Variants in CPED1 observed in about 807,000 individuals in gnomAD.
CPED1 encodes cadherin-like and PC-esterase domain-containing protein 1.
Under a neutral mutation model 128.2 loss-of-function variants are expected in CPED1, and 114 were observed. The ratio of observed to expected loss-of-function variants is 0.89; its 90% CI spans 0.76 to 1.04. CPED1 has a LOEUF of 1.04. Ranked by LOEUF, CPED1 falls within the 50% of genes least tolerant of loss-of-function variation. The pLI is 0.00. For missense variants in CPED1, 1,211 were observed against 1,207.1 expected, an observed-to-expected ratio of 1.00 and a Z score of -0.05; for synonymous variants, 462 against 426.7, an observed-to-expected ratio of 1.08 and a Z score of -1.02.
chr7:120,992,513 C>A (rs1796325036), intron 2 of CPED1, among the ~76,000 whole-genome samples: 1 of 152,082 alleles, frequency 6.6e-6, no homozygotes, highest in African/African-American at 2.4e-5. Flanking sequence ...ATGCTAAGAA[C>A]CACTACAAAT....
At chr7:121,135,853 A>G (rs891493440) in intron 13 of CPED1, among the ~76,000 whole-genome samples, 187 bp from the exon 14 acceptor site, 2 of 152,040 alleles carry the variant, frequency 1.3e-5, no homozygotes, top group African/African-American at 2.4e-5. Flanking sequence ...TGAAATAATA[A>G]TTCTTCTGAG....
chr7:121,271,756 A>C (rs142372271), intron 22 of CPED1, among the ~76,000 whole-genome samples: 1 of 152,092 alleles, frequency 6.6e-6, no homozygotes, highest in Non-Finnish European at 1.5e-5. Context: ...TGCATCCAAA[A>C]AAAAGGTGGC....
intron 2 of CPED1, among the ~76,000 whole-genome samples, chr7:120,997,886 C>T (rs571352912): frequency 1.3e-4 from 19 of 150,826 alleles, no homozygotes; most frequent in Non-Finnish European, 2.8e-4. Context: ...TGTGCCACTG[C>T]ACTCCAGCCT....
chr7:121,025,351 T>C (rs1792550658), intron 3 of CPED1, among the ~76,000 whole-genome samples: 1 of 152,180 alleles, frequency 6.6e-6, no homozygotes, highest in Non-Finnish European at 1.5e-5. Context: ...GAAACTCCTT[T>C]TTGTTAGGAA....
rs1554418494 is a variant in CPED1 at position 120,994,657 on chromosome 7, G to GTGTTGTTGT, written c.249+4795_249+4803dup. 8.2e-3 allele frequency among the ~76,000 whole-genome samples: 1,227 copies of GTGTTGTTGT among 149,268 alleles called. 8 individuals are homozygous for GTGTTGTTGT. Among genetic ancestry groups the GTGTTGTTGT allele is most frequent in the Non-Finnish European group, 0.011 (738 of 67,548 alleles). On this transcript the variant is annotated intron_variant, in intron 2 of 22. Coordinates refer to ENST00000310396, the MANE Select transcript of CPED1 (RefSeq NM_024913.5). ...TGTGTGTGTGTGTGTGTGTGTGTGT[G>GTGTTGTTGT]TGTTGTTGTTGTTGTTACTGATGGA...
At chr7:121,176,204 A>AC (rs1796774682) in intron 16 of CPED1, among the ~76,000 whole-genome samples, 1 of 143,612 alleles carries the variant, frequency 7.0e-6, no homozygotes, top group African/African-American at 2.7e-5. Flanking sequence ...AAAAAAAAAA[A>AC]AAAAAAAAAA....
intron 4 of CPED1, chr7:121,052,126 T>C (rs1201243470): frequency 6.6e-6 from 1 of 152,224 alleles, no homozygotes; most frequent in Non-Finnish European, 1.5e-5. Context: ...CCATACTACT[T>C]TGGCTGCCAC....
intron 7 of CPED1, among the ~76,000 whole-genome samples, chr7:121,111,112 G>A (rs1785596924): frequency 6.6e-6 from 1 of 152,150 alleles, no homozygotes; most frequent in Non-Finnish European, 1.5e-5. Flanking sequence ...AGGAGGTGGA[G>A]AGGCACACAG....
intron 5 of CPED1, among the ~76,000 whole-genome samples, chr7:121,083,265 A>G (rs1256254255): frequency 3.9e-5 from 6 of 152,150 alleles, no homozygotes; most frequent in Admixed American, 3.9e-4. Flanking sequence ...TATGCCTGGG[A>G]TTCATGATGA....
chr7:121,266,577 A>C (rs991015843), intron 19 of CPED1, 130 bp downstream of exon 19: 1 of 1,178,066 alleles, frequency 8.5e-7, no homozygotes, highest in Non-Finnish European at 1.3e-6. Context: ...AAGGCAGCAG[A>C]AAACAAGTTG....
At chr7:121,059,149 GT>G (rs1417113638) in intron 4 of CPED1, among the ~76,000 whole-genome samples, 1 of 152,170 alleles carries the variant, frequency 6.6e-6, no homozygotes. Flanking sequence ...AGGTGCTAGT[GT>G]TTCAAAAGCA....
At chr7:121,088,156 A>G (rs1199980963) in intron 5 of CPED1, among the ~76,000 whole-genome samples, 3 of 152,318 alleles carry the variant, frequency 2.0e-5, no homozygotes, top group East Asian at 3.9e-4. Flanking sequence ...AGGAAGTTCA[A>G]GTCTAGGATT....
At chr7:121,082,790 A>G (rs1794326029) in intron 5 of CPED1, among the ~76,000 whole-genome samples, 1 of 152,198 alleles carries the variant, frequency 6.6e-6, no homozygotes, top group South Asian at 2.1e-4. Flanking sequence ...TTGAACCACT[A>G]TACTGTATTT....
intron 5 of CPED1, among the ~76,000 whole-genome samples, chr7:121,074,494 A>T (rs146393361): frequency 8.6e-6 from 1 of 116,884 alleles, no homozygotes; most frequent in Non-Finnish European, 1.8e-5. Flanking sequence ...TTCCTTACTA[A>T]TAAATTTCCT....
At chr7:121,214,227 T>C (rs181630125) in intron 16 of CPED1, among the ~76,000 whole-genome samples, 363 of 152,196 alleles carry the variant, frequency 2.4e-3, no homozygotes, top group African/African-American at 8.3e-3. Flanking sequence ...CTCACATCTT[T>C]CTCTGTGTCA....
At chr7:121,273,164 C>T (rs1051949809) in intron 22 of CPED1, among the ~76,000 whole-genome samples, 1 of 151,908 alleles carries the variant, frequency 6.6e-6, no homozygotes, top group African/African-American at 2.4e-5. Context: ...AGTGGGTTGA[C>T]TCGTGAGGTG....
chr7:121,065,960 C>T (rs1282228772), intron 5 of CPED1, among the ~76,000 whole-genome samples: 1 of 152,010 alleles, frequency 6.6e-6, no homozygotes, highest in Non-Finnish European at 1.5e-5. Flanking sequence ...AAAGAAATGT[C>T]TGCAGCATTA....
chr7:121,179,200 T>C (rs150384720), intron 16 of CPED1, among the ~76,000 whole-genome samples: 226 of 152,158 alleles, frequency 1.5e-3, no homozygotes, highest in African/African-American at 5.2e-3. Flanking sequence ...TTAGAGACCT[T>C]AAGATGAACT....
intron 7 of CPED1, among the ~76,000 whole-genome samples, chr7:121,110,948 G>A (rs1339656219): frequency 6.6e-6 from 1 of 152,174 alleles, no homozygotes; most frequent in Non-Finnish European, 1.5e-5. Flanking sequence ...TTTGAAGGTA[G>A]AAACAAGAAT....
Sources: gnomAD v4.1 joint callset for allele counts (sites outside exome capture counted in the v4.1 genomes callset) on GRCh38, gnomAD v4.1.1 for gene constraint, MANE v1.5 for transcripts, NCBI Gene and HGNC (gene_info 2026-07-23, HGNC 2026-07-21) for gene names.